The following SURF6 variants were observed in gnomAD, a reference collection of about 807,000 sequenced individuals.
SURF6 encodes surfeit locus protein 6.
SURF6 carries 28 observed loss-of-function variants against 37.5 expected under a neutral mutation model. The observed-to-expected ratio is 0.75, with a 90% CI of 0.55 to 1.02. The LOEUF (loss-of-function observed/expected upper bound fraction) is 1.02. Ranked by LOEUF, SURF6 falls within the 50% of genes least tolerant of loss-of-function variation. The pLI is 0.00. For missense variants in SURF6, 560 were observed against 490.5 expected, an observed-to-expected ratio of 1.14 and a Z score of -1.34; for synonymous variants, 248 against 210.9, an observed-to-expected ratio of 1.18 and a Z score of -1.52.
Position 133,336,029 on chromosome 9 carries a change from T to C in SURF6, c.94+10A>G, listed in dbSNP as rs1372136017. On this transcript the variant is annotated intron_variant, in intron 1 of 4. Coordinates refer to ENST00000372022, the MANE Select transcript of SURF6 (RefSeq NM_006753.6). The stretch of plus-strand genomic sequence containing the variant: ...AGGCCCCTTAGTCCCGGCCCGGCCC[T>C]GTGCGTTACCCCGCGTGCGCGCCTG... The C allele has an allele frequency of 1.2e-6, 2 of 1,608,836 alleles. No homozygotes were observed. Among genetic ancestry groups the C allele is most frequent in the Non-Finnish European group, 1.7e-6 (2 of 1,178,986 alleles).
chr9:133,333,843 C>T (rs935899837), intron 2 of SURF6, 37 bp from the exon 3 acceptor site: 2 of 1,569,048 alleles, frequency 1.3e-6, no homozygotes, highest in Non-Finnish European at 1.7e-6. Context: ...GGGGCCCTCT[C>T]TTCCCCTCCC....
rs2129911744 is a variant in SURF6 at position 133,331,826 on chromosome 9, G to A, written c.*43C>T. The A allele has an allele frequency of 1.3e-6, 2 of 1,488,724 alleles. No homozygotes were observed. The highest frequency in any genetic ancestry group is 2.4e-5 in the East Asian group (1 of 42,430). 92.2% of individuals were successfully genotyped at this position (1,488,724 alleles called of 1,614,324 possible). ...CGTCAAGGACTCAGAGGGTGTCCTG[G>A]AGTCTCCTAGGACGGAAGACGGCGG... On this transcript the variant is annotated 3_prime_UTR_variant, in exon 5 of 5. Coordinates refer to ENST00000372022, the MANE Select transcript of SURF6 (RefSeq NM_006753.6).
In SURF6 at chr9:133,332,687, T is replaced by C. The variant is rs2129920617; in HGVS notation, c.467A>G (p.Lys156Arg). The part of the protein sequence containing the change: ...RRRKQERDRK[K>R]RKRKELRAKE... ...CGCCCGCAGCTCCTTTCGCTTCCTC[T>C]TCTTCCGGTCCCGTTCCTGCTTTCT... The change falls in exon 4 of 5, where the codon AAG becomes AGG. Residue 156 changes from lysine (K) to arginine (R), a missense_variant. By Grantham distance (26) the Lys-to-Arg change is conservative (BLOSUM62 2). Transcript: ENST00000372022. The C allele has an allele frequency of 1.9e-6, 3 of 1,612,466 alleles. No homozygotes were observed. In the South Asian group the frequency reaches 3.3e-5, roughly 18 times the overall value.
intron 3 of SURF6, chr9:133,333,088 G>A (rs1027518191): frequency 1.0e-4 from 41 of 393,128 alleles, no homozygotes; most frequent in Admixed American, 8.3e-5. Flanking sequence ...TGGAGTTGGC[G>A]TCTGAACACC....
chr9:133,334,197 T>C (rs2129926236), intron 2 of SURF6, among the ~76,000 whole-genome samples, 195 bp downstream of exon 2: 9 of 152,304 alleles, frequency 5.9e-5, no homozygotes, highest in East Asian at 1.9e-4. Context: ...CTGCTAGCCA[T>C]GTGGCCTGGA....
Position 133,332,134 on chromosome 9 carries a change from A to G in SURF6, c.821T>C (p.Leu274Pro). 6 of 1,610,742 alleles carry G rather than the reference A, an allele frequency of 3.7e-6. No individual in the cohort carries two copies. The South Asian group carries it at 5.5e-5, about 15-fold the overall frequency. ...LEAKMKWTNL[L>P]YKAEGVKIRD... ...GATCTTCACGCCCTCCGCCTTGTAG[A>G]GGAGGTTGGTCCACTTCATCTTCGC... The change falls in exon 5 of 5, where the codon CTC (leucine) becomes CCC (proline). Residue 274 changes from leucine to proline, a missense_variant. Physicochemically the swap from Leu to Pro is moderately conservative, Grantham distance 98. Transcript: ENST00000372022.
intron 3 of SURF6, chr9:133,333,007 A>C (rs1415320022): frequency 3.5e-6 from 2 of 572,336 alleles, no homozygotes; most frequent in African/African-American, 3.7e-5. Flanking sequence ...GCCAGGATAC[A>C]TTACGCACAT....
At position 133,330,075 on chromosome 9, in the gene SURF6, A is replaced by G. The variant is rs2129904912; in HGVS notation, c.*1794T>C. 4.6e-5 allele frequency: 7 copies of G among 152,216 alleles called. No homozygotes were observed. Among genetic ancestry groups the G allele is most frequent in the African/African-American group, 1.7e-4 (7 of 41,530 alleles). 9.4% of individuals were successfully genotyped at this position (152,216 alleles called of 1,614,324 possible). A position where few individuals can be genotyped will look rare whatever the true frequency, so the allele number is the denominator to read the frequency against. On this transcript the variant is annotated 3_prime_UTR_variant, in exon 5 of 5. Coordinates refer to ENST00000372022, the MANE Select transcript of SURF6 (RefSeq NM_006753.6). ...AGTCAGTTTTGGAGATTTTTCTTCC[A>G]TTTACTTTGAGTTGTTCCAACTTAA...
intron 1 of SURF6, among the ~76,000 whole-genome samples, chr9:133,335,423 T>C (rs1468061985): frequency 4.6e-5 from 7 of 151,992 alleles, no homozygotes; most frequent in Non-Finnish European, 8.8e-5. Flanking sequence ...AACCAATATA[T>C]CGTCCTTGAA....
intron 4 of SURF6, 72 bp downstream of exon 4, chr9:133,332,476 A>G: frequency 6.4e-7 from 1 of 1,563,578 alleles, no homozygotes; most frequent in Non-Finnish European, 8.6e-7. Flanking sequence ...GAGAGAGATC[A>G]TGAAGCTAAC....
In SURF6 at chr9:133,332,584, C is replaced by T. The variant is rs150905531; in HGVS notation, c.570G>A (p.Thr190=). ...VVEATPEGAC[T]EPREPPGLIF... is the part of the protein sequence containing the mutation. ...TCAGCCCGGGCGGCTCCCGCGGCTC[C>T]GTGCAGGCCCCCTCTGGGGTTGCCT... Residue 190 remains threonine, a synonymous_variant, in exon 4 of 5, where the codon ACG becomes ACA. Transcript: ENST00000372022. 64 of 1,609,688 alleles carry T rather than the reference C, an allele frequency of 4.0e-5. No homozygotes were observed. Among genetic ancestry groups the T allele is most frequent in the South Asian group, 3.5e-4 (32 of 91,086 alleles).
At chr9:133,335,018 G>A (rs1835837577) in intron 1 of SURF6, among the ~76,000 whole-genome samples, 1 of 152,148 alleles carries the variant, frequency 6.6e-6, no homozygotes. Context: ...GAAGTGCAGT[G>A]GCGCAATCTC....
At chr9:133,333,922 T>A in intron 2 of SURF6, 116 bp from the exon 3 acceptor site, 2 of 803,142 alleles carry the variant, frequency 2.5e-6, no homozygotes, top group Non-Finnish European at 4.1e-6. Context: ...GCAATTCCAG[T>A]AAATTCCACT....
At position 133,334,387 on chromosome 9, in the gene SURF6, C is replaced by CG; in HGVS notation, c.304+4_304+5insC. 1.2e-6 allele frequency: 2 copies of CG among 1,609,212 alleles called. No homozygotes were observed. The highest frequency in any genetic ancestry group is 1.7e-6 in the Non-Finnish European group (2 of 1,178,236). ...ACAGAACCAACATGCCCTGAAGCCTCTCACCTGCAGGGTTCCCTGCTGAGC... is the reference window on the plus strand; with the variant it reads ...ACAGAACCAACATGCCCTGAAGCCTCGTCACCTGCAGGGTTCCCTGCTGAGC... On this transcript the variant is annotated splice_donor_region_variant and intron_variant, in intron 2 of 4. Transcript: ENST00000372022.
intron 1 of SURF6, among the ~76,000 whole-genome samples, chr9:133,335,170 G>C (rs1364513893): frequency 1.3e-5 from 2 of 152,194 alleles, no homozygotes; most frequent in African/African-American, 4.8e-5. Context: ...ATGTTGTCCA[G>C]GATGGTCTTG....
Position 133,331,547 on chromosome 9 carries a change from C to A in SURF6, c.*322G>T. ...GTGGGGAACAGGCAGTGACTGCCCA[C>A]CCCCACCGTTCCTCCTCCCTGACCC... On this transcript the variant is annotated 3_prime_UTR_variant, in exon 5 of 5. Transcript: ENST00000372022. 3.2e-6 allele frequency: 1 copy of A among 313,300 alleles called. No individual in the cohort carries two copies. Among genetic ancestry groups the A allele is most frequent in the East Asian group, 5.2e-5 (1 of 19,300 alleles). 19.4% of individuals were successfully genotyped at this position (313,300 alleles called of 1,614,324 possible).
Position 133,331,652 on chromosome 9 carries a change from G to A in SURF6, c.*217C>T, listed in dbSNP as rs968446791. The A allele has an allele frequency of 3.5e-6, 2 of 578,212 alleles. No homozygotes were observed. Among genetic ancestry groups the A allele is most frequent in the Non-Finnish European group, 5.3e-6 (2 of 380,546 alleles). The allele number at this position is 578,212 out of a possible 1,614,324, so 35.8% of individuals were successfully genotyped here. ...CCTCACCCTTTCCCTGGGTCTGAAG[G>A]TCCCGGATCCTGCGTTCAAGGATGA... is the stretch of plus-strand genomic sequence containing the variant. On this transcript the variant is annotated 3_prime_UTR_variant, in exon 5 of 5. Coordinates refer to ENST00000372022, the MANE Select transcript of SURF6 (RefSeq NM_006753.6).
chr9:133,329,382 T>A lies in SURF6; in HGVS notation c.*2487A>T. ...AGAGGTGGAAGAGCAGAGTCTTCTC[T>A]AAACTCCTCCAGGGAAAGGGACACT... On this transcript the variant is annotated 3_prime_UTR_variant, in exon 5 of 5. Coordinates refer to ENST00000372022, the MANE Select transcript of SURF6 (RefSeq NM_006753.6). The A allele has an allele frequency of 4.3e-6, 1 of 233,380 alleles. No individual in the cohort carries two copies. Among genetic ancestry groups the A allele is most frequent in the South Asian group, 4.7e-5 (1 of 21,190 alleles). 14.5% of individuals were successfully genotyped at this position (233,380 alleles called of 1,614,324 possible).
rs1835696959 is a variant in SURF6 at position 133,330,472 on chromosome 9, G to A, written c.*1397C>T. 1 of 152,164 alleles carries A rather than the reference G, an allele frequency of 6.6e-6. No individual in the cohort carries two copies. The highest frequency in any genetic ancestry group is 6.5e-5 in the Admixed American group (1 of 15,274). 9.4% of individuals were successfully genotyped at this position (152,164 alleles called of 1,614,324 possible). The stretch of plus-strand genomic sequence containing the variant: ...GCTAGCCTTGAACTCCTGATCTCAA[G>A]TGATCCACCCGCCTCCCAAAGAGCT... On this transcript the variant is annotated 3_prime_UTR_variant, in exon 5 of 5. Transcript: ENST00000372022.
Sources: allele counts gnomAD v4.1 joint callset (sites outside exome capture counted in the v4.1 genomes callset), GRCh38; gene constraint gnomAD v4.1.1; transcripts MANE v1.5; gene names NCBI Gene and HGNC (gene_info 2026-07-23, HGNC 2026-07-21).